DGCR8: variants seen among roughly 807,000 people sequenced by gnomAD.
The protein encoded by DGCR8 is DGCR8 microprocessor complex subunit.
DGCR8 carries 14 observed loss-of-function variants against 78.5 expected under a neutral mutation model. The ratio of observed to expected loss-of-function variants is 0.18; its 90% CI spans 0.12 to 0.28. The LOEUF is 0.28. Ranked by LOEUF, DGCR8 falls within the 10% of genes least tolerant of loss-of-function variation. DGCR8 has a pLI of 1.00. For missense variants in DGCR8, 702 were observed against 1,022.5 expected (o/e 0.69, Z 4.28); for synonymous variants, 399 against 402.4 (o/e 0.99, Z 0.10).
At chr22:20,094,595 G>C in intron 8 of DGCR8, 118 bp from the exon 9 acceptor site, 2 of 876,486 alleles carry the variant, frequency 2.3e-6, no homozygotes, top group Non-Finnish European at 3.7e-6. Context: ...CTCTCCTCAG[G>C]GCCCTCGCTC....
At chr22:20,103,116 C>T (rs1422636049) in intron 9 of DGCR8, among the ~76,000 whole-genome samples, 1 of 149,148 alleles carries the variant, frequency 6.7e-6, no homozygotes, top group Non-Finnish European at 1.5e-5. Context: ...CCAGCCTGGG[C>T]AACAAGAGCG....
intron 8 of DGCR8, 43 bp from the exon 9 acceptor site, chr22:20,094,670 G>A: frequency 1.3e-6 from 2 of 1,559,876 alleles, no homozygotes; most frequent in South Asian, 1.1e-5. Flanking sequence ...GGTGAGAAGA[G>A]GGCAGTGCCC....
rs968674408 is a variant in DGCR8 at position 20,111,606 on chromosome 22, G to A, written c.*1498G>A. ...AGATGCGCCTGTGAACCAAAGCTTC[G>A]TGCACATGTGTTCCCCTAAAGGTTG... On this transcript the variant is annotated 3_prime_UTR_variant, in exon 14 of 14. Coordinates refer to ENST00000351989, the MANE Select transcript of DGCR8 (RefSeq NM_022720.7). 10 of 387,092 alleles carry A rather than the reference G, an allele frequency of 2.6e-5. No homozygotes were observed. The highest frequency in any genetic ancestry group is 1.4e-4 in the Admixed American group (3 of 22,158). The allele number at this position is 387,092 out of a possible 1,614,324, so 24.0% of individuals were successfully genotyped here. A position where few individuals can be genotyped will look rare whatever the true frequency, so the allele number is the denominator to read the frequency against.
At chr22:20,100,619 C>T (rs2049687244) in intron 9 of DGCR8, 1 of 985,230 alleles carries the variant, frequency 1.0e-6, no homozygotes, top group Non-Finnish European at 1.2e-6. Flanking sequence ...CAGGAGAGGG[C>T]CCAGCGGGGA....
At chr22:20,098,640 A>C (rs531768442) in intron 9 of DGCR8, among the ~76,000 whole-genome samples, 1 of 152,298 alleles carries the variant, frequency 6.6e-6, no homozygotes, top group Non-Finnish European at 1.5e-5. Context: ...AATGACAGAG[A>C]TGTATAGTCT....
At chr22:20,096,526 T>C in intron 9 of DGCR8, 4 of 970,018 alleles carry the variant, frequency 4.1e-6, no homozygotes, top group Non-Finnish European at 4.9e-6. Context: ...AATAGCTTTA[T>C]TGAGATAGTT....
intron 3 of DGCR8, among the ~76,000 whole-genome samples, chr22:20,088,695 G>A (rs1359969077): frequency 2.0e-5 from 3 of 152,238 alleles, no homozygotes; most frequent in African/African-American, 7.2e-5. Flanking sequence ...CTGGGTACAG[G>A]TGTCAGGTCC....
intron 12 of DGCR8, chr22:20,108,645 T>G (rs2049797965): frequency 2.7e-6 from 1 of 377,194 alleles, no homozygotes; most frequent in South Asian, 2.4e-5. Context: ...ATAAGTGGCG[T>G]GGTGTGGGCA....
chr22:20,094,999 C>T (rs533965333), intron 9 of DGCR8, among the ~76,000 whole-genome samples: 139 of 152,126 alleles, frequency 9.1e-4, no homozygotes, highest in Non-Finnish European at 1.5e-3. Context: ...AAAAAATGTC[C>T]TTTTTGTTAG....
rs75699981 is a variant in DGCR8 at position 20,087,976 on chromosome 22, A to G, written c.880+655A>G. On this transcript the variant is annotated intron_variant, in intron 3 of 13. Coordinates refer to ENST00000351989, the MANE Select transcript of DGCR8 (RefSeq NM_022720.7). The surrounding 1 kb of genome is among the most constrained non-coding windows in gnomAD (Gnocchi z 4.1). ...CGGAGTTGGTGGCTTGGAGGCACCT[A>G]TGAGGGTCCTGGTGGAGATGTGGGG... is the stretch of plus-strand genomic sequence containing the variant. Among the ~76,000 whole-genome samples the G allele has an allele frequency of 7.0e-3, 1,070 of 152,098 alleles. 16 individuals carry two copies. Among genetic ancestry groups the G allele is most frequent in the African/African-American group, 0.024 (1,004 of 41,468 alleles).
In DGCR8 at chr22:20,086,770, A is replaced by AT; in HGVS notation, c.720+89dup. The AT allele has an allele frequency of 7.2e-7, 1 of 1,383,496 alleles. No individual in the cohort carries two copies. The highest frequency in any genetic ancestry group is 9.7e-7 in the Non-Finnish European group (1 of 1,032,728). 85.7% of individuals were successfully genotyped at this position (1,383,496 alleles called of 1,614,324 possible). On this transcript the variant is annotated intron_variant, in intron 2 of 13. Transcript: ENST00000351989. This position sits in a 1 kb window ranked among gnomAD's most constrained non-coding sequence, Gnocchi z 6.4. ...TGCAGCATCTTTTGAAAGCAGGGAA[A>AT]TTAAAAAAAAAAAAAACAAAAACCA... is the stretch of plus-strand genomic sequence containing the variant.
intron 8 of DGCR8, among the ~76,000 whole-genome samples, 157 bp downstream of exon 8, chr22:20,093,064 C>T (rs1602484871): frequency 6.6e-6 from 1 of 152,054 alleles, no homozygotes; most frequent in East Asian, 1.9e-4. Flanking sequence ...TTTAAAATTA[C>T]ATGCTCATTG....
chr22:20,082,092 TG>T (rs1279441853), intron 1 of DGCR8, among the ~76,000 whole-genome samples: 1 of 151,562 alleles, frequency 6.6e-6, no homozygotes, highest in Non-Finnish European at 1.5e-5. Context: ...AATCTCGCTC[TG>T]TCGCCCAGAC....
Position 20,087,272 on chromosome 22 carries a change from A to G in DGCR8, c.831A>G (p.Gly277=), listed in dbSNP as rs1288466212. The change falls in exon 3 of 14, where the codon GGA becomes GGG. Residue 277 remains glycine (G), a synonymous_variant. Transcript: ENST00000351989. The surrounding 1 kb of genome is among the most constrained non-coding windows in gnomAD (Gnocchi z 4.1). Reference sequence around the variant, plus strand: ...GAGACAGCGACCATCCGTCCGATGGAGAGACAAGTGTGCAGCCGATGATGA... The same window carrying G: ...GAGACAGCGACCATCCGTCCGATGGGGAGACAAGTGTGCAGCCGATGATGA... The part of the protein sequence containing the change: ...YGGDSDHPSD[G]ETSVQPMMTK... 6.2e-7 allele frequency: 1 copy of G among 1,613,796 alleles called. No homozygotes were observed. The highest frequency in any genetic ancestry group is 1.6e-4 in the Middle Eastern group (1 of 6,082).
At position 20,086,783 on chromosome 22, in the gene DGCR8, A is replaced by C. The variant is rs898911029; in HGVS notation, c.720+100A>C. ...GAAAGCAGGGAAATTAAAAAAAAAAAAAACAAAAACCAAAATCCCCTCTGA... is the reference window on the plus strand; with the variant it reads ...GAAAGCAGGGAAATTAAAAAAAAAACAAACAAAAACCAAAATCCCCTCTGA... On this transcript the variant is annotated intron_variant, in intron 2 of 13. Coordinates refer to ENST00000351989, the MANE Select transcript of DGCR8 (RefSeq NM_022720.7). The surrounding 1 kb of genome is among the most constrained non-coding windows in gnomAD (Gnocchi z 6.4). 1.8e-5 allele frequency: 25 copies of C among 1,382,370 alleles called. No homozygotes were observed. In the East Asian group the frequency reaches 1.8e-4, roughly 10 times the overall value. The allele number at this position is 1,382,370 out of a possible 1,614,324, so 85.6% of individuals were successfully genotyped here.
intron 9 of DGCR8, 105 bp downstream of exon 9, chr22:20,094,900 A>G (rs1258743745): frequency 7.3e-6 from 7 of 956,404 alleles, no homozygotes; most frequent in South Asian, 4.1e-5. Flanking sequence ...CATGCCTTCC[A>G]TGCCCTGTAG....
chr22:20,105,934 C>T (rs965897616), intron 9 of DGCR8, among the ~76,000 whole-genome samples: 2 of 151,848 alleles, frequency 1.3e-5, no homozygotes, highest in African/African-American at 4.8e-5. Context: ...TCTTAGGATA[C>T]CAGACTCCAT....
In DGCR8 at chr22:20,089,171, T is replaced by C. The variant is rs2049524117; in HGVS notation, c.881-498T>C. 6.6e-6 allele frequency among the ~76,000 whole-genome samples: 1 copy of C among 152,248 alleles called. No homozygotes were observed. The highest frequency in any genetic ancestry group is 2.1e-4 in the South Asian group (1 of 4,834). Reference sequence around the variant, plus strand: ...AAAGCAAAGAAGGGGTTGGGAGTAGTGTATTAAACCAACTTAGAAACGGAA... The same window carrying C: ...AAAGCAAAGAAGGGGTTGGGAGTAGCGTATTAAACCAACTTAGAAACGGAA... On this transcript the variant is annotated intron_variant, in intron 3 of 13. Coordinates refer to ENST00000351989, the MANE Select transcript of DGCR8 (RefSeq NM_022720.7). The surrounding 1 kb of genome is among the most constrained non-coding windows in gnomAD (Gnocchi z 4.9).
At position 20,110,007 on chromosome 22, in the gene DGCR8, C is replaced by A. The variant is rs202103212; in HGVS notation, c.2239-18C>A. On this transcript the variant is annotated intron_variant, in intron 13 of 13. Transcript: ENST00000351989. ...AAGCCCACCTCACTGGTACCCCTGA[C>A]CTTTGTTGTTCTTTCAGGAGGAGAC... The A allele has an allele frequency of 6.2e-6, 10 of 1,613,304 alleles. No homozygotes were observed. In the East Asian group the frequency reaches 2.2e-4, roughly 36 times the overall value.
Sources: gnomAD v4.1 joint callset for allele counts (sites outside exome capture counted in the v4.1 genomes callset) on GRCh38, gnomAD v4.1.1 for gene constraint, Gnocchi (gnomAD v3.1) non-coding constraint, MANE v1.5 for transcripts, NCBI Gene and HGNC (gene_info 2026-07-23, HGNC 2026-07-21) for gene names.